Variants in KDM5A observed in about 807,000 individuals in gnomAD.
The protein encoded by KDM5A is lysine-specific demethylase 5A.
KDM5A carries 42 observed loss-of-function variants against 193.5 expected under a neutral mutation model. The ratio of observed to expected loss-of-function variants is 0.22; its 90% confidence interval spans 0.17 to 0.28. The LOEUF is 0.28. Among genes scored for constraint, KDM5A ranks in the 10% least tolerant of loss-of-function variants. The pLI is 1.00. For synonymous variants in KDM5A, 796 were observed against 718.1 expected (o/e 1.11, Z -1.73); for missense variants, 1,692 against 2,055.1 (o/e 0.82, Z 3.42).
chr12:316,668 A>G (rs888953105), intron 19 of KDM5A, among the ~76,000 whole-genome samples: 5 of 152,196 alleles, frequency 3.3e-5, no homozygotes, highest in Non-Finnish European at 5.9e-5. Context: ...TGTCCACTTA[A>G]TATGTTCCCA....
Position 344,561 on chromosome 12 carries a change from G to A in KDM5A, c.1308+6060C>T, listed in dbSNP as rs187262260. Among the ~76,000 whole-genome samples the A allele has an allele frequency of 4.4e-3, 671 of 152,282 alleles. 2 individuals are homozygous for A. The highest frequency in any genetic ancestry group is 0.011 in the African/African-American group (452 of 41,552). On this transcript the variant is annotated intron_variant, in intron 10 of 27. Coordinates refer to ENST00000399788, the MANE Select transcript of KDM5A (RefSeq NM_001042603.3). ...AAGGGAAGCCCATCAGACTAACAGC[G>A]GATCTCTCGGCAGAAACCCTACAAG...
intron 1 of KDM5A, chr12:387,295 T>C (rs1207210838): frequency 1.9e-5 from 7 of 362,398 alleles, no homozygotes; most frequent in South Asian, 6.2e-5. Flanking sequence ...ATTCTGATTG[T>C]AAACAAGATT....
At chr12:288,786 T>A (rs1381074978) in intron 27 of KDM5A, among the ~76,000 whole-genome samples, 1 of 152,216 alleles carries the variant, frequency 6.6e-6, no homozygotes, top group Admixed American at 6.5e-5. Flanking sequence ...GTGCTCTCAA[T>A]ATTCAGTGAC....
intron 13 of KDM5A, among the ~76,000 whole-genome samples, chr12:330,097 A>ATATATC (rs1248827358): frequency 6.9e-5 from 8 of 116,666 alleles, no homozygotes; most frequent in African/African-American, 2.3e-4. Context: ...ATATATATAT[A>ATATATC]TCTTATGATT....
chr12:363,049 C>G lies in KDM5A; in HGVS notation c.586G>C (p.Val196Leu), dbSNP rs1944311882. ...GAAGTTTGGGTATCAGTGCTGAGAA[C>G]CTCAGGCTCCACTTTTTCTTTAAGA... is the stretch of plus-strand genomic sequence containing the variant. ...LDLKEKVEPEVLSTDTQTSPE... is the reference protein window; with the variant it reads ...LDLKEKVEPELLSTDTQTSPE... Residue 196 changes from valine to leucine, a missense_variant, in exon 5 of 28, where the codon GTT becomes CTT. Coordinates refer to ENST00000399788, the MANE Select transcript of KDM5A (RefSeq NM_001042603.3). 1 of 1,613,878 alleles carries G rather than the reference C, an allele frequency of 6.2e-7. No individual in the cohort carries two copies. The highest frequency in any genetic ancestry group is 1.3e-5 in the African/African-American group (1 of 74,898).
chr12:281,844 C>A lies in KDM5A; in HGVS notation c.*3612G>T. 1 of 266,208 alleles carries A rather than the reference C, an allele frequency of 3.8e-6. No individual in the cohort carries two copies. The highest frequency in any genetic ancestry group is 7.4e-6 in the Non-Finnish European group (1 of 135,388). The allele number at this position is 266,208 out of a possible 1,614,324, so 16.5% of individuals were successfully genotyped here. A position where few individuals can be genotyped will look rare whatever the true frequency, so the allele number is the denominator to read the frequency against. Reference sequence around the variant, plus strand: ...ACTACAGAATTAAAATACTGACAAGCAAGTAGTTTCTTGGCGTGCACGAAT... The same window carrying A: ...ACTACAGAATTAAAATACTGACAAGAAAGTAGTTTCTTGGCGTGCACGAAT... On this transcript the variant is annotated 3_prime_UTR_variant, in exon 28 of 28. Coordinates refer to ENST00000399788, the MANE Select transcript of KDM5A (RefSeq NM_001042603.3).
At chr12:381,234 T>A (rs1944569398) in intron 3 of KDM5A, among the ~76,000 whole-genome samples, 3 of 152,266 alleles carry the variant, frequency 2.0e-5, no homozygotes, top group African/African-American at 7.2e-5. Flanking sequence ...CCTCAAGTGA[T>A]CCTCCTGCCT....
At chr12:388,806 C>G (rs1944683360) in intron 1 of KDM5A, 121 bp downstream of exon 1, 2 of 1,227,806 alleles carry the variant, frequency 1.6e-6, no homozygotes, top group Non-Finnish European at 2.4e-6. Flanking sequence ...GAAACAGGCT[C>G]CAGTTGTCTC....
intron 10 of KDM5A, among the ~76,000 whole-genome samples, chr12:346,974 T>C (rs1944086298): frequency 6.6e-6 from 1 of 151,252 alleles, no homozygotes; most frequent in South Asian, 2.1e-4. Flanking sequence ...GGAAGTCAAA[T>C]TGTCCCTGTT....
At chr12:314,647 A>T (rs1417155979) in intron 19 of KDM5A, among the ~76,000 whole-genome samples, 2 of 152,220 alleles carry the variant, frequency 1.3e-5, no homozygotes, top group African/African-American at 2.4e-5. Context: ...CCCAAAAGTG[A>T]TGTCTAAGCT....
intron 3 of KDM5A, among the ~76,000 whole-genome samples, chr12:373,299 C>A (rs1263999251): frequency 6.6e-6 from 1 of 152,188 alleles, no homozygotes; most frequent in Non-Finnish European, 1.5e-5. Context: ...AGGGATTCAA[C>A]TTCTTCCTGG....
chr12:310,043 T>C, intron 21 of KDM5A, 79 bp from the exon 22 acceptor site: 2 of 1,473,838 alleles, frequency 1.4e-6, no homozygotes, highest in Non-Finnish European at 1.9e-6. Context: ...GAACCATTTG[T>C]TGACTGTTCA....
At chr12:295,877 GC>G (rs1354316155) in intron 25 of KDM5A, 84 bp from the exon 26 acceptor site, 2 of 1,118,584 alleles carry the variant, frequency 1.8e-6, no homozygotes, top group Admixed American at 1.9e-5. Flanking sequence ...ATTGAGACTA[GC>G]CCCCCATCCC....
chr12:307,574 G>A lies in KDM5A; in HGVS notation c.3810C>T (p.Ser1270=), dbSNP rs770462763. 10 of 1,614,060 alleles carry A rather than the reference G, an allele frequency of 6.2e-6. No homozygotes were observed. Among genetic ancestry groups the A allele is most frequent in the South Asian group, 2.2e-5 (2 of 91,088 alleles). Residue 1270 remains serine (S), a synonymous_variant, in exon 23 of 28, where the codon TCC becomes TCT. Coordinates refer to ENST00000399788, the MANE Select transcript of KDM5A (RefSeq NM_001042603.3). This position sits in a 1 kb window ranked among gnomAD's most constrained non-coding sequence, Gnocchi z 4.3. ...ACACAGATAGTTTGGCCAGGGCAGA[G>A]GATAGTTCATCTGTGGCTAGAGCCT... ...ARQALATDEL[S]SALAKLSVLS... is the part of the protein sequence containing the mutation.
At chr12:331,359 A>AC (rs1943863846) in intron 13 of KDM5A, among the ~76,000 whole-genome samples, 2 of 152,234 alleles carry the variant, frequency 1.3e-5, no homozygotes, top group Admixed American at 1.3e-4. Context: ...GGCAAAAGCC[A>AC]CTATTACTTT....
rs2137350624 is a variant in KDM5A, at chr12:282,691, A to G, written c.*2765T>C. ...TAACCTTTGCCAGAGTTAAAATACT[A>G]ATGATGAAGAATTGCAACTTCAGTT... is the stretch of plus-strand genomic sequence containing the variant. On this transcript the variant is annotated 3_prime_UTR_variant, in exon 28 of 28. Transcript: ENST00000399788. The G allele has an allele frequency of 4.3e-6, 1 of 232,940 alleles. No homozygotes were observed. The highest frequency in any genetic ancestry group is 6.1e-5 in the East Asian group (1 of 16,512). The allele number at this position is 232,940 out of a possible 1,614,324, so 14.4% of individuals were successfully genotyped here. A position where few individuals can be genotyped will look rare whatever the true frequency, so the allele number is the denominator to read the frequency against.
At chr12:373,925 T>C (rs1182113110) in intron 3 of KDM5A, among the ~76,000 whole-genome samples, 1 of 152,250 alleles carries the variant, frequency 6.6e-6, no homozygotes, top group Admixed American at 6.5e-5. Flanking sequence ...TCTAGTTTGA[T>C]TGCACTGTGG....
intron 24 of KDM5A, among the ~76,000 whole-genome samples, chr12:301,865 C>T (rs1402624984): frequency 7.1e-6 from 1 of 141,700 alleles, no homozygotes; most frequent in Admixed American, 7.1e-5. Context: ...ACAAGCACTC[C>T]TATATGCCAT....
intron 10 of KDM5A, among the ~76,000 whole-genome samples, chr12:348,961 G>A (rs1243857578): frequency 5.5e-5 from 8 of 144,964 alleles, no homozygotes; most frequent in Admixed American, 4.8e-4. Context: ...GTTATAGGGG[G>A]AAAAAACACG....
Sources: allele counts gnomAD v4.1 joint callset (sites outside exome capture counted in the v4.1 genomes callset), GRCh38; gene constraint gnomAD v4.1.1; non-coding constraint Gnocchi (gnomAD v3.1); transcripts MANE v1.5; gene names NCBI Gene and HGNC (gene_info 2026-07-23, HGNC 2026-07-21).